Variants in WDR33 observed in about 807,000 individuals in gnomAD.
The protein encoded by WDR33 is pre-mRNA 3' end processing protein WDR33.
WDR33 carries 47 observed loss-of-function variants against 164.9 expected under a neutral mutation model. The ratio of observed to expected loss-of-function variants is 0.29; its 90% CI spans 0.23 to 0.36. WDR33 has a LOEUF of 0.36. WDR33 is among the 10% of genes least tolerant of loss of function. The probability of loss-of-function intolerance (pLI) is 1.00; values close to 1 mark genes in which losing one functional copy is unlikely to be tolerated. For synonymous variants in WDR33, 505 were observed against 589.0 expected, an observed-to-expected ratio of 0.86 and a Z score of 2.06; for missense variants, 1,137 against 1,754.1, an observed-to-expected ratio of 0.65 and a Z score of 6.28.
chr2:127,768,150 G>C, intron 4 of WDR33, 39 bp downstream of exon 4: 1 of 1,309,104 alleles, frequency 7.6e-7, no homozygotes, highest in Non-Finnish European at 1.0e-6. Context: ...ATATAACGCA[G>C]GATTAATTTT....
chr2:127,709,861 A>G lies in WDR33; in HGVS notation c.3309-5T>C. On this transcript the variant is annotated splice_polypyrimidine_tract_variant and splice_region_variant and intron_variant, in intron 18 of 21. Coordinates refer to ENST00000322313, the MANE Select transcript of WDR33 (RefSeq NM_018383.5). This position sits in a 1 kb window ranked among gnomAD's most constrained non-coding sequence, Gnocchi z 5.0. ...GGCGGGGCTCCTCTTCTGAAACTGT[A>G]AAGAGAAAACAGCAGAATGTCCATC... The G allele has an allele frequency of 6.2e-7, 1 of 1,613,510 alleles. No individual in the cohort carries two copies. The highest frequency in any genetic ancestry group is 8.5e-7 in the Non-Finnish European group (1 of 1,179,828).
rs1333781322 is a variant in WDR33, at chr2:127,770,869, A to G, written c.113T>C (p.Met38Thr). 1.2e-6 allele frequency: 2 copies of G among 1,614,128 alleles called. No homozygotes were observed. The highest frequency in any genetic ancestry group is 1.7e-5 in the Admixed American group (1 of 60,006). Residue 38 changes from methionine (M) to threonine (T), a missense_variant, in exon 2 of 22, where the codon ATG becomes ACG. Met to Thr is a moderately conservative substitution (Grantham distance 81, BLOSUM62 -1). Transcript: ENST00000322313. This position sits in a 1 kb window ranked among gnomAD's most constrained non-coding sequence, Gnocchi z 4.9. The part of the protein sequence containing the change: ...KRPDFAQQQA[M>T]QQLTFDGKRM... ...TTTTCCATCAAAAGTAAGCTGTTGC[A>G]TTGCTTGCTGTTGTGCAAAATCAGG...
At chr2:127,749,654 T>C (rs1362269819) in intron 7 of WDR33, among the ~76,000 whole-genome samples, 15 of 131,618 alleles carry the variant, frequency 1.1e-4, no homozygotes, top group Non-Finnish European at 2.1e-4. Flanking sequence ...AGAGTAGGAC[T>C]CCACCTCAAA....
intron 7 of WDR33, chr2:127,736,279 G>A (rs1016587787): frequency 2.5e-5 from 25 of 985,248 alleles, no homozygotes; most frequent in African/African-American, 1.2e-4. Flanking sequence ...GGACACTTCC[G>A]GGGGAGGAAG....
intron 21 of WDR33, among the ~76,000 whole-genome samples, chr2:127,707,647 A>G (rs1686053329): frequency 6.6e-6 from 1 of 152,210 alleles, no homozygotes; most frequent in Non-Finnish European, 1.5e-5. Context: ...TTGATGATAC[A>G]TAAGGTAATT....
chr2:127,772,202 C>T (rs1688027497), intron 1 of WDR33, among the ~76,000 whole-genome samples: 1 of 152,010 alleles, frequency 6.6e-6, no homozygotes, highest in Non-Finnish European at 1.5e-5. Context: ...TTTGGGAGGC[C>T]GAGATGGGCG....
At chr2:127,777,470 A>G (rs561014653) in intron 1 of WDR33, among the ~76,000 whole-genome samples, 64 of 152,344 alleles carry the variant, frequency 4.2e-4, no homozygotes, top group African/African-American at 1.5e-3. Flanking sequence ...CAATTTCTCC[A>G]TTATTTTCTC....
chr2:127,721,739 G>C lies in WDR33; in HGVS notation c.1671+97C>G. The C allele has an allele frequency of 7.6e-7, 1 of 1,311,442 alleles. No homozygotes were observed. Among genetic ancestry groups the C allele is most frequent in the African/African-American group, 1.5e-5 (1 of 66,296 alleles). The allele number at this position is 1,311,442 out of a possible 1,614,324, so 81.2% of individuals were successfully genotyped here. A position where few individuals can be genotyped will look rare whatever the true frequency, so the allele number is the denominator to read the frequency against. On this transcript the variant is annotated intron_variant, in intron 15 of 21. Transcript: ENST00000322313. The surrounding 1 kb of genome is among the most constrained non-coding windows in gnomAD (Gnocchi z 4.9). ...AATGGCGGTGTTTGTCAGACCATGG[G>C]AGAGCCCCTTCCCTTTTCCTTAAGA... is the stretch of plus-strand genomic sequence containing the variant.
chr2:127,739,837 G>A (rs1049054768), intron 7 of WDR33, among the ~76,000 whole-genome samples: 1 of 152,178 alleles, frequency 6.6e-6, no homozygotes, highest in Admixed American at 6.5e-5. Flanking sequence ...AAAATGGCTC[G>A]ATGTGAGAGC....
intron 18 of WDR33, among the ~76,000 whole-genome samples, chr2:127,711,778 A>ATTTTTTTTTTTTT (rs1375261650): frequency 7.5e-5 from 7 of 93,036 alleles, no homozygotes; most frequent in East Asian, 2.8e-4. Flanking sequence ...ATATATATAT[A>ATTTTTTTTTTTTT]TATTTTTTTT....
intron 7 of WDR33, among the ~76,000 whole-genome samples, chr2:127,734,758 A>T: frequency 6.6e-6 from 1 of 152,216 alleles, no homozygotes; most frequent in East Asian, 1.9e-4. Context: ...AATACTTAGA[A>T]TAAAAGTCTT....
At position 127,741,134 on chromosome 2, in the gene WDR33, G is replaced by A. The variant is rs1687002473; in HGVS notation, c.725-14357C>T. 1.3e-5 allele frequency among the ~76,000 whole-genome samples: 2 copies of A among 152,222 alleles called. No individual in the cohort carries two copies. Among genetic ancestry groups the A allele is most frequent in the Non-Finnish European group, 2.9e-5 (2 of 68,036 alleles). ...GACTTCCTGTTTCTGTAGAACAGAT[G>A]CTCTCAGTCAGACAAAGCAAATTAT... On this transcript the variant is annotated intron_variant, in intron 7 of 21. Transcript: ENST00000322313. The surrounding 1 kb of genome is among the most constrained non-coding windows in gnomAD (Gnocchi z 4.1).
chr2:127,802,786 CT>C (rs1231964264), intron 1 of WDR33, among the ~76,000 whole-genome samples: 1 of 152,006 alleles, frequency 6.6e-6, no homozygotes, highest in Non-Finnish European at 1.5e-5. Context: ...CGAGCCCAGA[CT>C]GGGCAACATG....
chr2:127,790,531 G>A (rs1688806781), intron 1 of WDR33, among the ~76,000 whole-genome samples: 1 of 152,090 alleles, frequency 6.6e-6, no homozygotes, highest in Non-Finnish European at 1.5e-5. Context: ...TGGTAGAAGT[G>A]GCCAGCGAAA....
In WDR33 at chr2:127,719,206, A is replaced by G; in HGVS notation, c.2760+59T>C. The G allele has an allele frequency of 7.3e-7, 1 of 1,362,238 alleles. No homozygotes were observed. The highest frequency in any genetic ancestry group is 9.4e-7 in the Non-Finnish European group (1 of 1,058,398). 84.4% of individuals were successfully genotyped at this position (1,362,238 alleles called of 1,614,324 possible). A position where few individuals can be genotyped will look rare whatever the true frequency, so the allele number is the denominator to read the frequency against. The stretch of plus-strand genomic sequence containing the variant: ...ACCATTTTCCACAATACTCAGCAGT[A>G]TTACTTCTGTGCAGAGTGTATTTTC... On this transcript the variant is annotated intron_variant, in intron 16 of 21. Coordinates refer to ENST00000322313, the MANE Select transcript of WDR33 (RefSeq NM_018383.5). The surrounding 1 kb of genome is among the most constrained non-coding windows in gnomAD (Gnocchi z 6.5).
In WDR33 at chr2:127,717,516, A is replaced by ACAT. The variant is rs1250419669; in HGVS notation, c.2761-256_2761-254dup. On this transcript the variant is annotated intron_variant, in intron 16 of 21. Coordinates refer to ENST00000322313, the MANE Select transcript of WDR33 (RefSeq NM_018383.5). The surrounding 1 kb of genome is among the most constrained non-coding windows in gnomAD (Gnocchi z 5.6). The stretch of plus-strand genomic sequence containing the variant: ...TCTTTACTCGTAATGCCAAAAAAGA[A>ACAT]CATCAATGGAAAGTCAGAAATTCTA... Among the ~76,000 whole-genome samples, 1 of 152,242 alleles carries ACAT rather than the reference A, an allele frequency of 6.6e-6. No homozygotes were observed. Among genetic ancestry groups the ACAT allele is most frequent in the African/African-American group, 2.4e-5 (1 of 41,452 alleles).
intron 7 of WDR33, chr2:127,762,764 G>C (rs1254022934): frequency 8.8e-7 from 1 of 1,135,274 alleles, no homozygotes; most frequent in African/African-American, 1.6e-5. Context: ...AAGTACCCTG[G>C]CTACAAGGAA....
chr2:127,756,815 C>A (rs752671190), intron 7 of WDR33, among the ~76,000 whole-genome samples: 11 of 152,112 alleles, frequency 7.2e-5, no homozygotes, highest in Non-Finnish European at 1.3e-4. Context: ...GGCATGGTGG[C>A]TTATGCCTGT....
In WDR33 at chr2:127,795,093, A is replaced by G. The variant is rs1221909992; in HGVS notation, c.-24+15919T>C. On this transcript the variant is annotated intron_variant, in intron 1 of 21. Transcript: ENST00000322313. Reference sequence around the variant, plus strand: ...TACAAGGGAAGTAAGTTATGAAGCAATAACTTCTCTTTTTTTTTTTTTTTT... The same window carrying G: ...TACAAGGGAAGTAAGTTATGAAGCAGTAACTTCTCTTTTTTTTTTTTTTTT... Among the ~76,000 whole-genome samples, 3 of 140,732 alleles carry G rather than the reference A, an allele frequency of 2.1e-5. No individual in the cohort carries two copies. The East Asian group carries it at 6.1e-4, about 28-fold the overall frequency. The allele number at this position is 140,732 out of a possible 152,430, so 92.3% of individuals were successfully genotyped here. A position where few individuals can be genotyped will look rare whatever the true frequency, so the allele number is the denominator to read the frequency against.
Sources: gnomAD v4.1 joint callset for allele counts (sites outside exome capture counted in the v4.1 genomes callset) on GRCh38, gnomAD v4.1.1 for gene constraint, Gnocchi (gnomAD v3.1) non-coding constraint, MANE v1.5 for transcripts, NCBI Gene and HGNC (gene_info 2026-07-23, HGNC 2026-07-21) for gene names.